Variants in CRYBB1 observed in about 807,000 individuals in gnomAD.
CRYBB1 encodes beta-crystallin B1.
A neutral mutation model predicts 29.5 loss-of-function variants in CRYBB1; 16 were observed. That is an observed-to-expected ratio of 0.54 (90% CI 0.37 to 0.82). The LOEUF is 0.82. Among genes scored for constraint, CRYBB1 ranks in the 40% least tolerant of loss-of-function variants. The pLI, the probability that CRYBB1 is intolerant of heterozygous loss-of-function variation, is 0.00. For synonymous variants in CRYBB1, 127 were observed against 136.7 expected, an observed-to-expected ratio of 0.93 and a Z score of 0.49; for missense variants, 300 against 350.5, an observed-to-expected ratio of 0.86 and a Z score of 1.15.
chr22:26,612,228 G>C, intron 2 of CRYBB1, 38 bp from the exon 3 acceptor site: 2 of 1,403,406 alleles, frequency 1.4e-6, no homozygotes, highest in Non-Finnish European at 1.0e-6. Flanking sequence ...GGCAGAGTGA[G>C]GGGGGAGTCA....
chr22:26,614,778 A>C (rs1413561813), intron 2 of CRYBB1, among the ~76,000 whole-genome samples: 2 of 152,248 alleles, frequency 1.3e-5, no homozygotes, highest in Non-Finnish European at 2.9e-5. Context: ...GTTCGAGACC[A>C]GCCTGGATAA....
chr22:26,609,204 G>A (rs1929080945), intron 3 of CRYBB1, among the ~76,000 whole-genome samples: 3 of 152,170 alleles, frequency 2.0e-5, no homozygotes, highest in Non-Finnish European at 4.4e-5. Flanking sequence ...CAAGGATGAT[G>A]GGCTATCACC....
Position 26,616,158 on chromosome 22 carries a change from C to T in CRYBB1, c.162G>A (p.Leu54=), listed in dbSNP as rs1602332814. 1.2e-6 allele frequency: 2 copies of T among 1,614,192 alleles called. No individual in the cohort carries two copies. The highest frequency in any genetic ancestry group is 1.7e-6 in the Non-Finnish European group (2 of 1,179,994). ...VPITSAKAAE[L]PPGNYRLVVF... is the part of the protein sequence containing the mutation. ...TCCTTACCCTGTAGTTCCCAGGAGG[C>T]AGTTCCGCCGCCTTGGCGCTGGTAA... Residue 54 remains leucine, a synonymous_variant, in exon 2 of 6, where the codon CTG becomes CTA. Coordinates refer to ENST00000647684, the MANE Select transcript of CRYBB1 (RefSeq NM_001887.4).
chr22:26,605,045 TAGG>T (rs1402293797), intron 4 of CRYBB1, among the ~76,000 whole-genome samples: 1 of 152,164 alleles, frequency 6.6e-6, no homozygotes, highest in Non-Finnish European at 1.5e-5. Flanking sequence ...ATCGTTGCTC[TAGG>T]AGTTTTGCAC....
At chr22:26,605,677 A>AAAAAAT (rs1928953898) in intron 4 of CRYBB1, among the ~76,000 whole-genome samples, 1 of 150,846 alleles carries the variant, frequency 6.6e-6, no homozygotes. Flanking sequence ...GTCTCAAAAA[A>AAAAAAT]AAAAAAAAAA....
intron 3 of CRYBB1, among the ~76,000 whole-genome samples, chr22:26,608,462 C>CT (rs1201954179): frequency 1.3e-5 from 2 of 152,164 alleles, no homozygotes; most frequent in Non-Finnish European, 2.9e-5. Context: ...CTAATCTCTC[C>CT]TTTTTTTCTT....
intron 4 of CRYBB1, among the ~76,000 whole-genome samples, chr22:26,602,320 A>C (rs1928846536): frequency 6.6e-6 from 1 of 152,184 alleles, no homozygotes; most frequent in South Asian, 2.1e-4. Flanking sequence ...GCCATGGCTC[A>C]TGTCTGTAAT....
At chr22:26,602,582 C>T (rs1393935008) in intron 4 of CRYBB1, among the ~76,000 whole-genome samples, 1 of 143,364 alleles carries the variant, frequency 7.0e-6, no homozygotes, top group African/African-American at 2.6e-5. Context: ...CAGAGCAAGA[C>T]CCTGTCTCAA....
At chr22:26,616,048 G>A (rs1929340486) in intron 2 of CRYBB1, 92 bp downstream of exon 2, 1 of 1,007,366 alleles carries the variant, frequency 9.9e-7, no homozygotes, top group Admixed American at 1.7e-5. Flanking sequence ...GGAGTAAGAG[G>A]TGAAAGAGGA....
At chr22:26,607,832 T>TA (rs1229638540) in intron 4 of CRYBB1, 57 bp downstream of exon 4, 3 of 1,612,652 alleles carry the variant, frequency 1.9e-6, no homozygotes, top group African/African-American at 1.3e-5. Context: ...ATCTCAGACT[T>TA]ACACCTGCCC....
Position 26,599,405 on chromosome 22 carries a change from G to T in CRYBB1, c.*85C>A. 2 of 1,450,682 alleles carry T rather than the reference G, an allele frequency of 1.4e-6. No individual in the cohort carries two copies. Among genetic ancestry groups the T allele is most frequent in the South Asian group, 2.6e-5 (2 of 78,156 alleles). 89.9% of individuals were successfully genotyped at this position (1,450,682 alleles called of 1,614,324 possible). On this transcript the variant is annotated 3_prime_UTR_variant, in exon 6 of 6. Coordinates refer to ENST00000647684, the MANE Select transcript of CRYBB1 (RefSeq NM_001887.4). ...AGATCCAGGAGAAATTTTGGCTTTA[G>T]GGAATTTTATTTGCCTGGGAAAAAT...
In CRYBB1 at chr22:26,613,555, A is replaced by T. The variant is rs538748125; in HGVS notation, c.181-1365T>A. ...CAATCTGTAAACATAAATTGTAAAG[A>T]TTTCATGGACACTTATCACTTCCCC... is the stretch of plus-strand genomic sequence containing the variant. On this transcript the variant is annotated intron_variant, in intron 2 of 5. Coordinates refer to ENST00000647684, the MANE Select transcript of CRYBB1 (RefSeq NM_001887.4). 4.6e-5 allele frequency among the ~76,000 whole-genome samples: 7 copies of T among 152,316 alleles called. No homozygotes were observed. In the East Asian group the frequency reaches 1.3e-3, roughly 29 times the overall value.
At chr22:26,611,753 C>T (rs1040170372) in intron 3 of CRYBB1, among the ~76,000 whole-genome samples, 6 of 152,142 alleles carry the variant, frequency 3.9e-5, no homozygotes, top group Admixed American at 3.9e-4. Context: ...GGATTACAGG[C>T]GTGAGCCACC....
intron 3 of CRYBB1, 107 bp downstream of exon 3, chr22:26,611,965 G>T: frequency 1.2e-6 from 1 of 815,482 alleles, no homozygotes; most frequent in Non-Finnish European, 2.2e-6. Context: ...TGTGCCAGGA[G>T]TACGAACGGC....
rs149902597 is a variant in CRYBB1 at position 26,616,164 on chromosome 22, C to T, written c.156G>A (p.Ala52=). The change falls in exon 2 of 6, where the codon GCG becomes GCA. Residue 52 remains alanine, a synonymous_variant. Coordinates refer to ENST00000647684, the MANE Select transcript of CRYBB1 (RefSeq NM_001887.4). ...CCCTGTAGTTCCCAGGAGGCAGTTC[C>T]GCCGCCTTGGCGCTGGTAATAGGCA... ...TTVPITSAKA[A]ELPPGNYRLV... The T allele has an allele frequency of 9.0e-4, 1,449 of 1,614,174 alleles. 2 individuals are homozygous for T. Among genetic ancestry groups the T allele is most frequent in the Middle Eastern group, 1.5e-3 (9 of 6,062 alleles).
intron 4 of CRYBB1, among the ~76,000 whole-genome samples, chr22:26,603,134 A>AC (rs1928874468): frequency 6.8e-6 from 1 of 146,420 alleles, no homozygotes; most frequent in Non-Finnish European, 1.5e-5. Flanking sequence ...TCAAAAAAAA[A>AC]AAAAAAAAAA....
At chr22:26,607,560 G>GT (rs569516430) in intron 4 of CRYBB1, among the ~76,000 whole-genome samples, 1 of 116,308 alleles carries the variant, frequency 8.6e-6, no homozygotes, top group East Asian at 2.4e-4. Context: ...CCATCTTTGG[G>GT]AAAAAAAAAA....
intron 2 of CRYBB1, among the ~76,000 whole-genome samples, chr22:26,612,732 A>G (rs1406316326): frequency 6.6e-6 from 1 of 152,142 alleles, no homozygotes; most frequent in Non-Finnish European, 1.5e-5. Context: ...TCTTTGTGCT[A>G]TTCCTCCTGC....
At chr22:26,610,632 G>A (rs1240196599) in intron 3 of CRYBB1, among the ~76,000 whole-genome samples, 1 of 152,178 alleles carries the variant, frequency 6.6e-6, no homozygotes, top group Non-Finnish European at 1.5e-5. Flanking sequence ...GTCCCGGGTA[G>A]CCTCCAGGAT....
Sources: gnomAD v4.1 joint callset for allele counts (sites outside exome capture counted in the v4.1 genomes callset) on GRCh38, gnomAD v4.1.1 for gene constraint, MANE v1.5 for transcripts, NCBI Gene and HGNC (gene_info 2026-07-23, HGNC 2026-07-21) for gene names.